Variants in ADAM28 observed in about 807,000 individuals in gnomAD.
ADAM28 encodes disintegrin and metalloproteinase domain-containing protein 28.
A neutral mutation model predicts 101.2 loss-of-function variants in ADAM28; 105 were observed. The ratio of observed to expected loss-of-function variants is 1.04; its 90% CI spans 0.89 to 1.22. The LOEUF is 1.22. Ranked by LOEUF, ADAM28 falls within the 50% of genes most tolerant of loss-of-function variation. ADAM28 has a pLI of 0.00. For synonymous variants in ADAM28, 322 were observed against 310.6 expected (o/e 1.04, Z -0.39); for missense variants, 1,028 against 945.4 (o/e 1.09, Z -1.15).
intron 4 of ADAM28, among the ~76,000 whole-genome samples, chr8:24,310,642 G>A (rs1227957692): frequency 1.3e-5 from 2 of 152,072 alleles, no homozygotes; most frequent in Admixed American, 1.3e-4. Context: ...TCTCTTTACT[G>A]CTATTCATAG....
At chr8:24,312,798 G>A (rs1197787791) in intron 5 of ADAM28, among the ~76,000 whole-genome samples, 1 of 152,012 alleles carries the variant, frequency 6.6e-6, no homozygotes, top group African/African-American at 2.4e-5. Context: ...AATGAATATT[G>A]GTTGAATGAA....
At chr8:24,305,935 C>T (rs1809548496) in intron 2 of ADAM28, among the ~76,000 whole-genome samples, 1 of 152,052 alleles carries the variant, frequency 6.6e-6, no homozygotes, top group Admixed American at 6.6e-5. Flanking sequence ...TGTGGCTAAA[C>T]CATTAGCAGT....
rs145997578 is a variant in ADAM28, at chr8:24,294,097, C to T, written c.-53C>T. On this transcript the variant is annotated 5_prime_UTR_variant, in exon 1 of 23. Transcript: ENST00000265769. ...GGAGAGGAGGCAGGGACAGACCCAG[C>T]AGCACCCACCTGAGCGAGAAGAGCA... 3.6e-4 allele frequency: 579 copies of T among 1,604,234 alleles called. 1 individual carries two copies. The African/African-American group carries it at 6.3e-3, about 17-fold the overall frequency.
At chr8:24,338,016 A>C (rs1354798891) in intron 14 of ADAM28, among the ~76,000 whole-genome samples, 1 of 152,242 alleles carries the variant, frequency 6.6e-6, no homozygotes, top group Non-Finnish European at 1.5e-5. Flanking sequence ...CACAGAAAAC[A>C]TAACCAAACA....
chr8:24,345,609 C>T (rs1177631951), intron 18 of ADAM28, among the ~76,000 whole-genome samples: 1 of 151,608 alleles, frequency 6.6e-6, no homozygotes, highest in East Asian at 1.9e-4. Flanking sequence ...TTGAGAGTAC[C>T]CTAAATTTGA....
At chr8:24,339,742 A>G (rs1315187119) in intron 15 of ADAM28, among the ~76,000 whole-genome samples, 174 bp downstream of exon 15, 1 of 152,234 alleles carries the variant, frequency 6.6e-6, no homozygotes, top group Non-Finnish European at 1.5e-5. Context: ...TACCGAGTCT[A>G]AAACAACAAA....
chr8:24,339,744 A>G (rs1285501344), intron 15 of ADAM28, among the ~76,000 whole-genome samples, 176 bp downstream of exon 15: 1 of 152,230 alleles, frequency 6.6e-6, no homozygotes, highest in African/African-American at 2.4e-5. Context: ...CCGAGTCTAA[A>G]ACAACAAATA....
chr8:24,357,450 C>A lies in ADAM28; in HGVS notation c.*3046C>A, dbSNP rs949360890. ...GGCCTAGGAGGCCTCAGGAAACTTA[C>A]AATCATGATGAAAGAGGAAGCAGAA... is the stretch of plus-strand genomic sequence containing the variant. On this transcript the variant is annotated 3_prime_UTR_variant, in exon 23 of 23. Coordinates refer to ENST00000265769, the MANE Select transcript of ADAM28 (RefSeq NM_014265.6). 1 of 152,080 alleles carries A rather than the reference C, an allele frequency of 6.6e-6. No individual in the cohort carries two copies. Among genetic ancestry groups the A allele is most frequent in the African/African-American group, 2.4e-5 (1 of 41,402 alleles). The allele number at this position is 152,080 out of a possible 1,614,324, so 9.4% of individuals were successfully genotyped here.
intron 14 of ADAM28, among the ~76,000 whole-genome samples, chr8:24,338,010 GA>G: frequency 6.6e-6 from 1 of 152,286 alleles, no homozygotes; most frequent in Non-Finnish European, 1.5e-5. Context: ...CAGTGTCACA[GA>G]AAACATAACC....
intron 8 of ADAM28, 141 bp from the exon 9 acceptor site, chr8:24,323,693 C>G: frequency 1.2e-6 from 1 of 819,436 alleles, no homozygotes; most frequent in South Asian, 2.1e-5. Context: ...ATAGTCAATA[C>G]ATTCTGTTTC....
intron 6 of ADAM28, among the ~76,000 whole-genome samples, chr8:24,315,018 AAGGG>A (rs1199037555): frequency 6.6e-6 from 1 of 151,796 alleles, no homozygotes; most frequent in African/African-American, 2.4e-5. Context: ...AAAGATAAAC[AAGGG>A]AGGAAGAAAT....
At chr8:24,354,344 T>C (rs755704771) in intron 22 of ADAM28, 40 bp from the exon 23 acceptor site, 2 of 1,496,720 alleles carry the variant, frequency 1.3e-6, no homozygotes, top group Admixed American at 2.0e-5. Flanking sequence ...ATCTAAATTT[T>C]TGAAGAAAGT....
At chr8:24,320,948 A>G (rs1270386560) in intron 7 of ADAM28, among the ~76,000 whole-genome samples, 1 of 151,978 alleles carries the variant, frequency 6.6e-6, no homozygotes, top group African/African-American at 2.4e-5. Flanking sequence ...TTAGAAAACC[A>G]TAGAATTTAA....
chr8:24,351,912 C>A, intron 20 of ADAM28, 75 bp from the exon 21 acceptor site: 1 of 1,494,200 alleles, frequency 6.7e-7, no homozygotes, highest in Non-Finnish European at 9.3e-7. Context: ...TTGAAAAGTG[C>A]TTACTTAAAA....
At position 24,357,901 on chromosome 8, in the gene ADAM28, T is replaced by C. The variant is rs1329269761; in HGVS notation, c.*3497T>C. The C allele has an allele frequency of 6.6e-6, 1 of 152,202 alleles. No homozygotes were observed. The highest frequency in any genetic ancestry group is 2.4e-5 in the African/African-American group (1 of 41,460). 9.4% of individuals were successfully genotyped at this position (152,202 alleles called of 1,614,324 possible). On this transcript the variant is annotated 3_prime_UTR_variant, in exon 23 of 23. Coordinates refer to ENST00000265769, the MANE Select transcript of ADAM28 (RefSeq NM_014265.6). Reference sequence around the variant, plus strand: ...TCACTTTGTGTTTCCTTGGTAATTTTGGATAACTCCTTAAATTTATCTTCC... The same window carrying C: ...TCACTTTGTGTTTCCTTGGTAATTTCGGATAACTCCTTAAATTTATCTTCC...
intron 6 of ADAM28, among the ~76,000 whole-genome samples, chr8:24,317,627 A>G (rs1054010782): frequency 5.9e-5 from 9 of 152,108 alleles, no homozygotes; most frequent in Admixed American, 2.0e-4. Context: ...AACCTTGACA[A>G]TGACTTCTTA....
chr8:24,348,926 A>C (rs1413008042), intron 18 of ADAM28, among the ~76,000 whole-genome samples: 1 of 152,110 alleles, frequency 6.6e-6, no homozygotes, highest in Non-Finnish European at 1.5e-5. Flanking sequence ...TTTCATTCTG[A>C]ATGTATCTAC....
At chr8:24,312,064 C>T (rs568149680) in intron 5 of ADAM28, among the ~76,000 whole-genome samples, 12 of 152,066 alleles carry the variant, frequency 7.9e-5, no homozygotes, top group East Asian at 1.9e-4. Context: ...AGCTCTCACT[C>T]GCTCTCTCTC....
intron 19 of ADAM28, among the ~76,000 whole-genome samples, chr8:24,350,198 T>C (rs1425377238): frequency 6.6e-6 from 1 of 152,194 alleles, no homozygotes; most frequent in Non-Finnish European, 1.5e-5. Context: ...ACCGTAGTTA[T>C]AATAATAAGA....
Sources: allele counts gnomAD v4.1 joint callset (sites outside exome capture counted in the v4.1 genomes callset), GRCh38; gene constraint gnomAD v4.1.1; transcripts MANE v1.5; gene names NCBI Gene and HGNC (gene_info 2026-07-23, HGNC 2026-07-21).